The following FRY variants were observed in gnomAD, a reference collection of about 807,000 sequenced individuals.
The protein encoded by FRY is protein furry homolog.
FRY carries 128 observed loss-of-function variants against 348.4 expected under a neutral mutation model. The observed-to-expected ratio is 0.37, with a 90% CI of 0.32 to 0.43. The LOEUF is 0.43. Ranked by LOEUF, FRY falls within the 20% of genes least tolerant of loss-of-function variation. FRY has a pLI of 1.00. For missense variants in FRY, 2,736 were observed against 3,695.2 expected, an observed-to-expected ratio of 0.74 and a Z score of 6.73; for synonymous variants, 1,370 against 1,374.7, an observed-to-expected ratio of 1.00 and a Z score of 0.08.
Position 32,171,176 on chromosome 13 carries a change from T to C in FRY, c.2057T>C (p.Leu686Pro). 1.2e-6 allele frequency: 2 copies of C among 1,613,772 alleles called. No individual in the cohort carries two copies. Among genetic ancestry groups the C allele is most frequent in the Non-Finnish European group, 1.7e-6 (2 of 1,179,712 alleles). Residue 686 changes from leucine (L) to proline (P), a missense_variant, in exon 18 of 61, where the codon CTG becomes CCG. Coordinates refer to ENST00000542859, the MANE Select transcript of FRY (RefSeq NM_023037.3). The stretch of plus-strand genomic sequence containing the variant: ...CATCACACACTCCTTGATTCGTCCC[T>C]GAAGTTGCTGCTGCAGCTGCTCACC... ...DMHHTLLDSS[L>P]KLLLQLLTQW...
chr13:32,063,185 AC>A (rs1049325536), intron 1 of FRY, among the ~76,000 whole-genome samples: 13 of 152,274 alleles, frequency 8.5e-5, no homozygotes, highest in African/African-American at 1.2e-4. Context: ...AGTTGCTGGC[AC>A]TGTCTTTGGC....
At chr13:32,173,324 G>A in intron 18 of FRY, 43 bp from the exon 19 acceptor site, 1 of 1,474,484 alleles carries the variant, frequency 6.8e-7, no homozygotes, top group Non-Finnish European at 9.5e-7. Flanking sequence ...TTCTTCCTTT[G>A]TTATTTCGCT....
At chr13:32,173,190 G>A (rs1406382015) in intron 18 of FRY, among the ~76,000 whole-genome samples, 177 bp from the exon 19 acceptor site, 2 of 152,100 alleles carry the variant, frequency 1.3e-5, no homozygotes, top group African/African-American at 4.8e-5. Context: ...AAGACAGAAG[G>A]GGATCTAGGA....
At chr13:32,197,654 T>G (rs900755772) in intron 29 of FRY, among the ~76,000 whole-genome samples, 2 of 152,232 alleles carry the variant, frequency 1.3e-5, no homozygotes, top group African/African-American at 4.8e-5. Flanking sequence ...GCCTAACAAA[T>G]GGTAAATACC....
intron 7 of FRY, among the ~76,000 whole-genome samples, chr13:32,126,768 A>T (rs775241264): frequency 2.0e-5 from 3 of 152,230 alleles, no homozygotes; most frequent in Non-Finnish European, 4.4e-5. Flanking sequence ...CCATTACTTT[A>T]TTGTTACCTT....
At chr13:32,118,405 C>A (rs1878444576) in intron 4 of FRY, among the ~76,000 whole-genome samples, 1 of 152,016 alleles carries the variant, frequency 6.6e-6, no homozygotes, top group Non-Finnish European at 1.5e-5. Flanking sequence ...TCTTGAAAGT[C>A]CTAATACTGT....
chr13:32,077,701 G>GTAGTT (rs763416436), intron 1 of FRY, among the ~76,000 whole-genome samples: 20 of 152,202 alleles, frequency 1.3e-4, no homozygotes, highest in Non-Finnish European at 1.3e-4. Flanking sequence ...ACATTTATTT[G>GTAGTT]TAGTTATGAA....
intron 58 of FRY, among the ~76,000 whole-genome samples, chr13:32,285,733 T>G (rs1199474890): frequency 1.3e-5 from 2 of 152,222 alleles, no homozygotes; most frequent in Non-Finnish European, 2.9e-5. Flanking sequence ...TAGCAAATGT[T>G]TACTTCCTAA....
In FRY at chr13:32,212,627, C is replaced by T. The variant is rs563992633; in HGVS notation, c.4682+245C>T. Among the ~76,000 whole-genome samples, 23 of 152,194 alleles carry T rather than the reference C, an allele frequency of 1.5e-4. No homozygotes were observed. The East Asian group carries it at 1.5e-3, about 10-fold the overall frequency. ...TGTTGTTCTGGTGGTGGTGGAATTT[C>T]GCATACCTCAGGGCTTAGTAAAAAC... On this transcript the variant is annotated intron_variant, in intron 35 of 60. Coordinates refer to ENST00000542859, the MANE Select transcript of FRY (RefSeq NM_023037.3).
In FRY at chr13:32,283,355, G is replaced by A. The variant is rs538636110; in HGVS notation, c.8469+4807G>A. On this transcript the variant is annotated intron_variant, in intron 58 of 60. Transcript: ENST00000542859. Reference sequence around the variant, plus strand: ...TGAGTTCCTAACACTGAATGCAAGAGCCAGGCACCAGTCATCATGATGTTT... The same window carrying A: ...TGAGTTCCTAACACTGAATGCAAGAACCAGGCACCAGTCATCATGATGTTT... Among the ~76,000 whole-genome samples, 17 of 152,290 alleles carry A rather than the reference G, an allele frequency of 1.1e-4. No homozygotes were observed. In the South Asian group the frequency reaches 3.1e-3, roughly 28 times the overall value.
At chr13:32,117,901 C>G (rs1047679872) in intron 4 of FRY, among the ~76,000 whole-genome samples, 3 of 152,158 alleles carry the variant, frequency 2.0e-5, no homozygotes, top group Admixed American at 1.3e-4. Context: ...TAGTGGTAGT[C>G]CTGGCGCTGC....
At chr13:32,060,990 C>T (rs1185661607) in intron 1 of FRY, 5 of 453,090 alleles carry the variant, frequency 1.1e-5, no homozygotes, top group African/African-American at 6.0e-5. Context: ...GGCTGAGACA[C>T]TTATGGTGGC....
At chr13:32,208,162 C>T (rs798991) in intron 31 of FRY, among the ~76,000 whole-genome samples, 61,890 of 152,088 alleles carry the variant, frequency 0.41, 12,791 homozygotes, top group Admixed American at 0.43. Context: ...TGGCAGGCAC[C>T]TTCCACATGC....
At chr13:32,226,049 G>A in intron 39 of FRY, 75 bp downstream of exon 39, 1 of 1,331,880 alleles carries the variant, frequency 7.5e-7, no homozygotes, top group Non-Finnish European at 1.1e-6. Flanking sequence ...TGCCAGTGGA[G>A]CCCAAGTTAA....
chr13:32,083,720 A>AT (rs1055038765), intron 2 of FRY, among the ~76,000 whole-genome samples: 8 of 151,596 alleles, frequency 5.3e-5, no homozygotes, highest in African/African-American at 1.7e-4. Context: ...TTGGATGTGA[A>AT]TTTTTTTTTC....
intron 59 of FRY, chr13:32,292,038 A>G (rs1434000792): frequency 2.2e-6 from 1 of 451,700 alleles, no homozygotes; most frequent in South Asian, 1.6e-5. Flanking sequence ...GCTGGAGTGC[A>G]ATGGCACGAT....
At chr13:32,095,551 G>A (rs1042828885) in intron 2 of FRY, among the ~76,000 whole-genome samples, 6 of 151,956 alleles carry the variant, frequency 3.9e-5, no homozygotes, top group Admixed American at 6.6e-5. Flanking sequence ...CACCATGTTG[G>A]TCAGCCTGGT....
chr13:32,225,871 C>T lies in FRY; in HGVS notation c.5103C>T (p.Ser1701=), dbSNP rs751916438. The change falls in exon 39 of 61, where the codon AGC becomes AGT. Residue 1701 remains serine, a synonymous_variant. Transcript: ENST00000542859. ...LHLLIALSCN[S]NFHSIASVLL... ...TCTTGATTGCCCTCTCTTGCAACAG[C>T]AATTTCCATTCCATTGCTTCCGTGC... 2 of 1,614,042 alleles carry T rather than the reference C, an allele frequency of 1.2e-6. No individual in the cohort carries two copies. The highest frequency in any genetic ancestry group is 2.2e-5 in the South Asian group (2 of 91,084).
rs576956037 is a variant in FRY at position 32,176,890 on chromosome 13, C to T, written c.2421+1258C>T. ...TTTGGTGAGATCAGCATTATAATTCCCAAGTCATAAATTCAATACACAGAG... is the reference window on the plus strand; with the variant it reads ...TTTGGTGAGATCAGCATTATAATTCTCAAGTCATAAATTCAATACACAGAG... On this transcript the variant is annotated intron_variant, in intron 20 of 60. Transcript: ENST00000542859. Among the ~76,000 whole-genome samples, 51 of 152,258 alleles carry T rather than the reference C, an allele frequency of 3.3e-4. No individual in the cohort carries two copies. The South Asian group carries it at 0.01, about 31-fold the overall frequency.
Sources: gnomAD v4.1 joint callset for allele counts (sites outside exome capture counted in the v4.1 genomes callset) on GRCh38, gnomAD v4.1.1 for gene constraint, MANE v1.5 for transcripts, NCBI Gene and HGNC (gene_info 2026-07-23, HGNC 2026-07-21) for gene names.